Variants in HS6ST3 observed in about 807,000 individuals in gnomAD.
HS6ST3 encodes the protein heparan sulfate 6-O-sulfotransferase 3.
HS6ST3 carries 12 observed loss-of-function variants against 36.7 expected under a neutral mutation model. The observed-to-expected ratio is 0.33, with a 90% CI of 0.21 to 0.53. The LOEUF (loss-of-function observed/expected upper bound fraction) is 0.53, where lower values mean the gene tolerates loss of function less well. Among genes scored for constraint, HS6ST3 ranks in the 20% least tolerant of loss-of-function variants. The pLI, the probability that HS6ST3 is intolerant of heterozygous loss-of-function variation, is 0.95. For synonymous variants in HS6ST3, 240 were observed against 257.5 expected, an observed-to-expected ratio of 0.93 and a Z score of 0.65; for missense variants, 584 against 640.9, an observed-to-expected ratio of 0.91 and a Z score of 0.96.
intron 1 of HS6ST3, among the ~76,000 whole-genome samples, chr13:96,746,397 C>T (rs1876562749): frequency 6.6e-6 from 1 of 151,960 alleles, no homozygotes; most frequent in Non-Finnish European, 1.5e-5. Flanking sequence ...ATATTCATTT[C>T]TCCCCAAATT....
chr13:96,119,507 A>G (rs911183940), intron 1 of HS6ST3, among the ~76,000 whole-genome samples: 1 of 152,212 alleles, frequency 6.6e-6, no homozygotes, highest in Non-Finnish European at 1.5e-5. Context: ...ATTGAGACTC[A>G]GGACAAATTT....
chr13:96,159,483 G>A (rs750645654), intron 1 of HS6ST3, among the ~76,000 whole-genome samples: 15 of 152,248 alleles, frequency 9.9e-5, no homozygotes, highest in Middle Eastern at 3.4e-3. Context: ...TTTCTTAAGG[G>A]AGAGAATTCC....
intron 1 of HS6ST3, among the ~76,000 whole-genome samples, chr13:96,638,804 G>C (rs958355490): frequency 2.6e-5 from 4 of 151,654 alleles, no homozygotes; most frequent in African/African-American, 9.7e-5. Context: ...GGTGAGAATA[G>C]ATTAATAGAT....
chr13:96,196,555 A>G (rs77189699), intron 1 of HS6ST3, among the ~76,000 whole-genome samples: 6,295 of 152,268 alleles, frequency 0.041, 208 homozygotes, highest in African/African-American at 0.087. Context: ...TCTCAAGGCC[A>G]TGGGACCAGT....
chr13:96,274,173 G>A (rs1476099270), intron 1 of HS6ST3, among the ~76,000 whole-genome samples: 1 of 151,458 alleles, frequency 6.6e-6, no homozygotes, highest in African/African-American at 2.4e-5. Flanking sequence ...TTGCACAGTG[G>A]TATAAAATAT....
chr13:96,329,934 T>C (rs1166124078), intron 1 of HS6ST3, among the ~76,000 whole-genome samples: 1 of 150,014 alleles, frequency 6.7e-6, no homozygotes, highest in Non-Finnish European at 1.5e-5. Flanking sequence ...TACCATTATG[T>C]AATGGCCTTC....
At chr13:96,674,757 C>T (rs1052494064) in intron 1 of HS6ST3, among the ~76,000 whole-genome samples, 3 of 152,128 alleles carry the variant, frequency 2.0e-5, no homozygotes, top group Admixed American at 6.6e-5. Flanking sequence ...GTCCACTGCT[C>T]ACTTCTTCAT....
intron 1 of HS6ST3, among the ~76,000 whole-genome samples, chr13:96,579,954 G>A (rs1312278765): frequency 6.6e-6 from 1 of 152,028 alleles, no homozygotes; most frequent in Non-Finnish European, 1.5e-5. Context: ...ATAATTGAAT[G>A]CTGCTATCTT....
chr13:96,553,980 G>A (rs555971769), intron 1 of HS6ST3, among the ~76,000 whole-genome samples: 1 of 152,296 alleles, frequency 6.6e-6, no homozygotes, highest in South Asian at 2.1e-4. Context: ...AGGTCTGTGT[G>A]CGTGCGTGCG....
chr13:96,734,156 G>A (rs991416374), intron 1 of HS6ST3, among the ~76,000 whole-genome samples: 76 of 152,274 alleles, frequency 5.0e-4, no homozygotes, highest in African/African-American at 1.5e-3. Flanking sequence ...ATGAGGACAC[G>A]AACCAGATCT....
intron 1 of HS6ST3, among the ~76,000 whole-genome samples, chr13:96,471,456 T>C (rs2055839786): frequency 6.6e-6 from 1 of 152,148 alleles, no homozygotes; most frequent in South Asian, 2.1e-4. Context: ...TAGGATGTCA[T>C]GGGCTGCTCG....
chr13:96,591,152 T>A (rs938736999), intron 1 of HS6ST3, among the ~76,000 whole-genome samples: 1 of 152,076 alleles, frequency 6.6e-6, no homozygotes, highest in African/African-American at 2.4e-5. Context: ...TTGGTCTTTT[T>A]GCTCAGCATA....
chr13:96,591,871 T>A (rs2056383592), intron 1 of HS6ST3, among the ~76,000 whole-genome samples: 1 of 152,026 alleles, frequency 6.6e-6, no homozygotes. Context: ...GTATGTTCCT[T>A]CTATACCCAG....
At chr13:96,516,064 T>A (rs2056071185) in intron 1 of HS6ST3, among the ~76,000 whole-genome samples, 1 of 139,496 alleles carries the variant, frequency 7.2e-6, no homozygotes, top group Admixed American at 7.2e-5. Context: ...CAGCATTAAC[T>A]TTTTTTTTTT....
At chr13:96,712,321 T>A (rs758372206) in intron 1 of HS6ST3, among the ~76,000 whole-genome samples, 1 of 152,180 alleles carries the variant, frequency 6.6e-6, no homozygotes, top group Non-Finnish European at 1.5e-5. Context: ...CAGATCTCTA[T>A]AGATACTTCC....
chr13:96,117,829 A>C (rs2053900812), intron 1 of HS6ST3, among the ~76,000 whole-genome samples: 1 of 151,754 alleles, frequency 6.6e-6, no homozygotes, highest in Non-Finnish European at 1.5e-5. Flanking sequence ...CTGCCCCCAA[A>C]TTTATGGTTG....
intron 1 of HS6ST3, among the ~76,000 whole-genome samples, chr13:96,694,115 C>T (rs565116489): frequency 6.6e-6 from 1 of 152,104 alleles, no homozygotes; most frequent in East Asian, 1.9e-4. Flanking sequence ...ATTTAGTCAC[C>T]CAAGTATTAA....
intron 1 of HS6ST3, among the ~76,000 whole-genome samples, chr13:96,400,332 CACACACAT>C (rs1409715324): frequency 1.3e-5 from 2 of 150,900 alleles, no homozygotes; most frequent in African/African-American, 2.5e-5. Flanking sequence ...CACACACACA[CACACACAT>C]ACAAATTCTT....
chr13:96,414,793 T>G (rs140439787), intron 1 of HS6ST3, among the ~76,000 whole-genome samples: 13 of 152,322 alleles, frequency 8.5e-5, no homozygotes, highest in Admixed American at 5.2e-4. Context: ...TGATTCATGT[T>G]CTAATACTCT....
Sources: allele counts gnomAD v4.1 joint callset (sites outside exome capture counted in the v4.1 genomes callset), GRCh38; gene constraint gnomAD v4.1.1; transcripts MANE v1.5; gene names NCBI Gene and HGNC (gene_info 2026-07-23, HGNC 2026-07-21).